Variants in TACR3 observed in about 807,000 individuals in gnomAD.
TACR3 encodes the protein neuromedin-K receptor.
Under a neutral mutation model 35.0 loss-of-function variants are expected in TACR3, and 34 were observed. The observed-to-expected ratio is 0.97, with a 90% CI of 0.74 to 1.30. The LOEUF is 1.30. Among genes scored for constraint, TACR3 ranks in the 50% most tolerant of loss-of-function variants. The probability of loss-of-function intolerance (pLI) is 0.00; values close to 1 mark genes in which losing one functional copy is unlikely to be tolerated. For missense variants in TACR3, 558 were observed against 591.7 expected (o/e 0.94, Z 0.59); for synonymous variants, 233 against 221.1 (o/e 1.05, Z -0.48).
rs62340626 is a variant in TACR3, at chr4:103,590,489, A to G, written c.1086-495T>C. 1.4e-3 allele frequency among the ~76,000 whole-genome samples: 218 copies of G among 152,262 alleles called. 1 individual carries two copies. The highest frequency in any genetic ancestry group is 2.6e-3 in the Non-Finnish European group (180 of 68,008). On this transcript the variant is annotated intron_variant, in intron 4 of 4. Coordinates refer to ENST00000304883, the MANE Select transcript of TACR3 (RefSeq NM_001059.3). The stretch of plus-strand genomic sequence containing the variant: ...TGATTTTTATCTAATTATATATGAA[A>G]GTGCAAAATCCTTAACTTTGTAAAC...
Position 103,719,207 on chromosome 4 carries a change from A to G in TACR3, c.469T>C (p.Tyr157His). Reference sequence around the variant, plus strand: ...GGAAAGAAGTTCTGGAAGCGGCAGTAGTTGGCGCCAAAGTACCACTCGCTA... The same window carrying G: ...GGAAAGAAGTTCTGGAAGCGGCAGTGGTTGGCGCCAAAGTACCACTCGCTA... ...LHSEWYFGAN[Y>H]CRFQNFFPIT... is the part of the protein sequence containing the mutation. The change falls in exon 1 of 5, where the codon TAC becomes CAC. Residue 157 changes from tyrosine to histidine, a missense_variant. Transcript: ENST00000304883. 1 of 1,614,196 alleles carries G rather than the reference A, an allele frequency of 6.2e-7. No homozygotes were observed. The highest frequency in any genetic ancestry group is 8.5e-7 in the Non-Finnish European group (1 of 1,180,030).
At chr4:103,652,443 C>A (rs901595435) in intron 3 of TACR3, among the ~76,000 whole-genome samples, 7 of 152,098 alleles carry the variant, frequency 4.6e-5, no homozygotes, top group Non-Finnish European at 1.0e-4. Flanking sequence ...ATGGCTGCTG[C>A]TGGGGATGGG....
chr4:103,647,252 A>T lies in TACR3; in HGVS notation c.888+8942T>A, dbSNP rs140181760. On this transcript the variant is annotated intron_variant, in intron 3 of 4. Coordinates refer to ENST00000304883, the MANE Select transcript of TACR3 (RefSeq NM_001059.3). ...GTATAATTGTTATAATTTTAAACAGATAGTTTCAATAATGATTTTCATACA... is the reference window on the plus strand; with the variant it reads ...GTATAATTGTTATAATTTTAAACAGTTAGTTTCAATAATGATTTTCATACA... 6.4e-3 allele frequency among the ~76,000 whole-genome samples: 977 copies of T among 152,078 alleles called. 12 individuals carry two copies. Among genetic ancestry groups the T allele is most frequent in the Non-Finnish European group, 8.6e-3 (585 of 67,890 alleles).
intron 3 of TACR3, among the ~76,000 whole-genome samples, chr4:103,615,975 A>G (rs1309487976): frequency 2.6e-5 from 4 of 152,190 alleles, no homozygotes; most frequent in East Asian, 3.9e-4. Context: ...CTGCTTTGAC[A>G]ATTCCGGAAA....
intron 3 of TACR3, among the ~76,000 whole-genome samples, chr4:103,608,219 T>G (rs1009268741): frequency 6.6e-6 from 1 of 152,056 alleles, no homozygotes; most frequent in Non-Finnish European, 1.5e-5. Flanking sequence ...CATGGGAAAC[T>G]ACATAGCCAT....
intron 3 of TACR3, among the ~76,000 whole-genome samples, chr4:103,595,791 G>C (rs991787899): frequency 1.3e-5 from 2 of 150,772 alleles, no homozygotes; most frequent in African/African-American, 4.9e-5. Context: ...GGGTACATGT[G>C]CACAATGTGC....
intron 1 of TACR3, among the ~76,000 whole-genome samples, chr4:103,673,970 A>G (rs953451030): frequency 1.3e-5 from 2 of 152,156 alleles, no homozygotes; most frequent in Admixed American, 6.5e-5. Context: ...TTCATTTTTT[A>G]TAAGAGAATG....
chr4:103,715,505 T>A (rs545063788), intron 1 of TACR3, among the ~76,000 whole-genome samples: 48 of 151,814 alleles, frequency 3.2e-4, no homozygotes, highest in Non-Finnish European at 5.0e-4. Flanking sequence ...CATGGGCCAG[T>A]TAAACCTCTT....
intron 4 of TACR3, 41 bp from the exon 5 acceptor site, chr4:103,590,035 C>T (rs375182563): frequency 4.0e-5 from 64 of 1,586,674 alleles, no homozygotes; most frequent in Non-Finnish European, 5.2e-5. Context: ...GTTATTTTTT[C>T]AAGCAGATAT....
rs114448152 is a variant in TACR3, at chr4:103,715,183, G to C, written c.548+3945C>G. Among the ~76,000 whole-genome samples the C allele has an allele frequency of 4.6e-3, 703 of 152,238 alleles. 8 individuals carry two copies. The highest frequency in any genetic ancestry group is 0.016 in the African/African-American group (660 of 41,534). ...ACTCTTTGATATGGTTTGGATCTGT[G>C]TCTCCACCCAAATCTCATGTCGAAT... On this transcript the variant is annotated intron_variant, in intron 1 of 4. Transcript: ENST00000304883.
intron 1 of TACR3, among the ~76,000 whole-genome samples, chr4:103,687,892 A>G (rs1560531884): frequency 6.6e-6 from 1 of 152,162 alleles, no homozygotes. Context: ...AATTAGAAAA[A>G]ACTACTTTAA....
intron 3 of TACR3, among the ~76,000 whole-genome samples, chr4:103,616,912 C>T (rs527770930): frequency 1.3e-5 from 2 of 152,278 alleles, no homozygotes; most frequent in South Asian, 4.1e-4. Context: ...CAGGCCACTG[C>T]ACTATCACCT....
At position 103,599,935 on chromosome 4, in the gene TACR3, G is replaced by T. The variant is rs532792911; in HGVS notation, c.889-8252C>A. On this transcript the variant is annotated intron_variant, in intron 3 of 4. Coordinates refer to ENST00000304883, the MANE Select transcript of TACR3 (RefSeq NM_001059.3). ...AATTCTCTTTTTTGGTTGTGTCTCTGCTGGGCTTTGGTATCAGGATGATGC... is the reference window on the plus strand; with the variant it reads ...AATTCTCTTTTTTGGTTGTGTCTCTTCTGGGCTTTGGTATCAGGATGATGC... 2.2e-3 allele frequency among the ~76,000 whole-genome samples: 332 copies of T among 152,206 alleles called. 4 individuals carry two copies. Among genetic ancestry groups the T allele is most frequent in the African/African-American group, 7.8e-3 (322 of 41,526 alleles).
chr4:103,703,028 G>A (rs924668200), intron 1 of TACR3, among the ~76,000 whole-genome samples: 11 of 151,948 alleles, frequency 7.2e-5, no homozygotes, highest in African/African-American at 2.4e-4. Context: ...TTGTGCACAT[G>A]TACCCTAAAA....
intron 3 of TACR3, among the ~76,000 whole-genome samples, chr4:103,598,410 T>G (rs1724096201): frequency 1.3e-5 from 2 of 152,254 alleles, no homozygotes; most frequent in Non-Finnish European, 2.9e-5. Context: ...GGTTGCCTGT[T>G]CACTCTGATG....
At chr4:103,711,039 T>C (rs1194074847) in intron 1 of TACR3, among the ~76,000 whole-genome samples, 1 of 152,152 alleles carries the variant, frequency 6.6e-6, no homozygotes, top group African/African-American at 2.4e-5. Flanking sequence ...CCAGATGGAT[T>C]CACAGCCAAA....
chr4:103,714,584 C>T (rs1484601620), intron 1 of TACR3, among the ~76,000 whole-genome samples: 2 of 152,126 alleles, frequency 1.3e-5, no homozygotes, highest in South Asian at 2.1e-4. Flanking sequence ...AAATATGTAA[C>T]AGTTGATCTT....
intron 3 of TACR3, among the ~76,000 whole-genome samples, chr4:103,621,368 G>GTTTA (rs1724777138): frequency 1.3e-5 from 2 of 152,158 alleles, no homozygotes; most frequent in African/African-American, 4.8e-5. Context: ...AGAATAGAGG[G>GTTTA]CCAATATGTG....
intron 3 of TACR3, among the ~76,000 whole-genome samples, chr4:103,610,297 T>C (rs1048668443): frequency 6.6e-6 from 1 of 152,074 alleles, no homozygotes; most frequent in Admixed American, 6.6e-5. Flanking sequence ...ATTTTTTGTC[T>C]TTTTCATAAT....
Sources: allele counts gnomAD v4.1 joint callset (sites outside exome capture counted in the v4.1 genomes callset), GRCh38; gene constraint gnomAD v4.1.1; transcripts MANE v1.5; gene names NCBI Gene and HGNC (gene_info 2026-07-23, HGNC 2026-07-21).